MICAL2: variants seen among roughly 807,000 people sequenced by gnomAD.
MICAL2 encodes microtubule associated monooxygenase, calponin and LIM domain containing 2.
MICAL2 carries 77 observed loss-of-function variants against 127.3 expected under a neutral mutation model. That is an observed-to-expected ratio of 0.60 (90% CI 0.50 to 0.73). MICAL2 has a LOEUF of 0.73. Ranked by LOEUF, MICAL2 falls within the 30% of genes least tolerant of loss-of-function variation. The pLI is 0.00. For synonymous variants in MICAL2, 570 were observed against 551.1 expected (o/e 1.03, Z -0.48); for missense variants, 1,351 against 1,434.4 (o/e 0.94, Z 0.94).
chr11:12,194,606 C>A (rs1487018230), intron 3 of MICAL2, among the ~76,000 whole-genome samples: 1 of 152,176 alleles, frequency 6.6e-6, no homozygotes, highest in Non-Finnish European at 1.5e-5. Flanking sequence ...ATCTCAGAAG[C>A]CTCCCCTCTT....
chr11:12,293,892 G>T (rs375399308), downstream of MICAL2: 9 of 1,610,730 alleles, frequency 5.6e-6, no homozygotes, highest in Non-Finnish European at 7.6e-6. Flanking sequence ...GGAGAAGACC[G>T]GGAAAAAGGG....
chr11:12,344,980 T>C (rs563485352), intron 32 of MICAL2, among the ~76,000 whole-genome samples: 152 of 151,042 alleles, frequency 1.0e-3, no homozygotes, highest in South Asian at 2.3e-3. Flanking sequence ...GGTGTTGTGG[T>C]GGGCGCCTGT....
intron 4 of MICAL2, among the ~76,000 whole-genome samples, chr11:12,206,840 C>T (rs899865149): frequency 1.3e-5 from 2 of 152,164 alleles, no homozygotes; most frequent in African/African-American, 2.4e-5. Context: ...ATTCCAATCC[C>T]TCTGGCTTCC....
intron 6 of MICAL2, among the ~76,000 whole-genome samples, chr11:12,212,569 A>T (rs760613878): frequency 6.6e-6 from 1 of 152,246 alleles, no homozygotes; most frequent in South Asian, 2.1e-4. Context: ...AATGCCAGTT[A>T]CTGGGAACTG....
intron 29 of MICAL2, among the ~76,000 whole-genome samples, chr11:12,301,944 A>G (rs1452181714): frequency 6.6e-6 from 1 of 152,186 alleles, no homozygotes; most frequent in Non-Finnish European, 1.5e-5. Context: ...TTCATGTTGT[A>G]AGCTCTTTTT....
At chr11:12,230,263 C>T (rs1489334572) in intron 15 of MICAL2, among the ~76,000 whole-genome samples, 1 of 152,212 alleles carries the variant, frequency 6.6e-6, no homozygotes, top group Admixed American at 6.5e-5. Flanking sequence ...AGTGAGTCCA[C>T]CTCGGTCTGG....
intron 3 of MICAL2, among the ~76,000 whole-genome samples, chr11:12,173,529 T>G (rs1856510456): frequency 6.6e-6 from 1 of 152,220 alleles, no homozygotes; most frequent in Non-Finnish European, 1.5e-5. Flanking sequence ...CTTTTTAAAT[T>G]GTGGTAAAAT....
intron 2 of MICAL2, among the ~76,000 whole-genome samples, chr11:12,145,720 A>G (rs1377236402): frequency 6.6e-6 from 1 of 152,192 alleles, no homozygotes; most frequent in Non-Finnish European, 1.5e-5. Context: ...TCACCTGTCC[A>G]TGCAGGTGTA....
intron 2 of MICAL2, chr11:12,161,655 A>G: frequency 6.2e-6 from 1 of 160,452 alleles, no homozygotes; most frequent in Non-Finnish European, 1.4e-5. Context: ...GCTGGGTTAT[A>G]TTCACATCAG....
At chr11:12,187,320 G>A (rs1328449303) in intron 3 of MICAL2, among the ~76,000 whole-genome samples, 1 of 152,204 alleles carries the variant, frequency 6.6e-6, no homozygotes, top group Admixed American at 6.5e-5. Flanking sequence ...CTTTATTTGT[G>A]AATTATGTGT....
At chr11:12,249,097 T>C (rs1030801767) in intron 21 of MICAL2, 87 bp from the exon 22 acceptor site, 58 of 1,572,528 alleles carry the variant, frequency 3.7e-5, no homozygotes, top group Non-Finnish European at 4.9e-5. Flanking sequence ...TGAAGTATCC[T>C]GTAAAGCTTC....
chr11:12,112,054 T>A (rs1156441599), intron 1 of MICAL2, among the ~76,000 whole-genome samples: 1 of 152,140 alleles, frequency 6.6e-6, no homozygotes, highest in Non-Finnish European at 1.5e-5. Flanking sequence ...CGCTGAGAGT[T>A]TTGCCCTCCC....
At chr11:12,140,590 G>C (rs1185401292) in intron 2 of MICAL2, among the ~76,000 whole-genome samples, 1 of 149,062 alleles carries the variant, frequency 6.7e-6, no homozygotes. Flanking sequence ...TGAGTTTCTT[G>C]CCATGATAAG....
chr11:12,140,055 G>C (rs1245225988), intron 2 of MICAL2, among the ~76,000 whole-genome samples: 2 of 152,120 alleles, frequency 1.3e-5, no homozygotes, highest in African/African-American at 2.4e-5. Flanking sequence ...CTGACTGCCA[G>C]TTTCATCTCC....
intron 1 of MICAL2, among the ~76,000 whole-genome samples, chr11:12,127,266 T>C (rs1851005056): frequency 6.6e-6 from 1 of 152,218 alleles, no homozygotes; most frequent in Non-Finnish European, 1.5e-5. Context: ...TCACCATTGC[T>C]CTATGGGGAC....
At chr11:12,205,844 G>C (rs760745701) in intron 4 of MICAL2, among the ~76,000 whole-genome samples, 9 of 152,206 alleles carry the variant, frequency 5.9e-5, no homozygotes, top group Admixed American at 1.3e-4. Context: ...ATCGTCCCCA[G>C]ACTTCAGAAT....
chr11:12,216,247 CA>C lies in MICAL2; in HGVS notation c.878del (p.Lys293ArgfsTer8). 1 of 1,613,788 alleles carries C rather than the reference CA, an allele frequency of 6.2e-7. No individual in the cohort carries two copies. Among genetic ancestry groups the C allele is most frequent in the Non-Finnish European group, 8.5e-7 (1 of 1,179,678 alleles). Reference protein sequence around the residue: ...GIDLENIVYYKDCTHYFVMTA... With the variant: ...GIDLENIVYYXDCTHYFVMTA... The stretch of plus-strand genomic sequence containing the variant: ...TAGATCTTGAGAACATTGTTTACTA[CA>C]AGGACTGCACCCACTATTTTGTAAT... On this transcript the variant is annotated frameshift_variant, in exon 8 of 28. Transcript: ENST00000683283. LOFTEE classifies it high-confidence loss of function.
Position 12,258,481 on chromosome 11 carries a change from C to T in MICAL2, c.3156C>T (p.Cys1052=), listed in dbSNP as rs1283764095. 6.2e-7 allele frequency: 1 copy of T among 1,614,124 alleles called. No individual in the cohort carries two copies. The highest frequency in any genetic ancestry group is 1.1e-5 in the South Asian group (1 of 91,088). The change falls in exon 25 of 28, where the codon TGC becomes TGT. Residue 1052 remains cysteine, a synonymous_variant. Coordinates refer to ENST00000683283, the MANE Select transcript of MICAL2 (RefSeq NM_001282663.2). ...TFDCDEGKFY[C]KPHFIHCKTN... The stretch of plus-strand genomic sequence containing the variant: ...CTCTTTTTACAGGCAAATTTTACTG[C>T]AAGCCTCACTTCATTCACTGTAAAA...
At chr11:12,178,470 G>T (rs1026716855) in intron 3 of MICAL2, among the ~76,000 whole-genome samples, 2 of 151,936 alleles carry the variant, frequency 1.3e-5, no homozygotes, top group Non-Finnish European at 2.9e-5. Flanking sequence ...GTATGGGGGT[G>T]GGGGGCAGGC....
Sources: allele counts gnomAD v4.1 joint callset (sites outside exome capture counted in the v4.1 genomes callset), GRCh38; gene constraint gnomAD v4.1.1; transcripts MANE v1.5; gene names NCBI Gene and HGNC (gene_info 2026-07-23, HGNC 2026-07-21).